Variants in COL2A1 observed in about 807,000 individuals in gnomAD.
COL2A1 encodes collagen alpha-1(II) chain.
In COL2A1, 28 loss-of-function variants were observed where a neutral mutation model predicts 204.5. That is an observed-to-expected ratio of 0.14 (90% confidence interval 0.10 to 0.19). The LOEUF (loss-of-function observed/expected upper bound fraction) is 0.19. COL2A1 is among the 10% of genes least tolerant of loss of function. COL2A1 has a pLI of 1.00. For synonymous variants in COL2A1, 708 were observed against 718.7 expected (o/e 0.99, Z 0.24); for missense variants, 1,388 against 2,027.5 (o/e 0.68, Z 6.06).
chr12:47,997,094 C>G (rs1029892020), intron 7 of COL2A1, among the ~76,000 whole-genome samples: 1 of 152,174 alleles, frequency 6.6e-6, no homozygotes, highest in Non-Finnish European at 1.5e-5. Flanking sequence ...CAGCAAACAT[C>G]AAAATAGCAA....
intron 37 of COL2A1, 81 bp downstream of exon 37, chr12:47,981,262 A>G (rs1939064622): frequency 7.5e-6 from 11 of 1,460,574 alleles, no homozygotes; most frequent in Non-Finnish European, 1.0e-5. Context: ...ACCAGGCAGC[A>G]TGAGGGCCTG....
rs1938623405 is a variant in COL2A1 at position 47,974,948 on chromosome 12, C to G, written c.3887-86G>C. ...GAGACCCAGGCCTGACTGAAAGAGA[C>G]AGAGAGGCCTACAGGGACAAGGGAT... On this transcript the variant is annotated intron_variant, in intron 51 of 53. Coordinates refer to ENST00000380518, the MANE Select transcript of COL2A1 (RefSeq NM_001844.5). 2.2e-6 allele frequency: 3 copies of G among 1,376,720 alleles called. No individual in the cohort carries two copies. The South Asian group carries it at 4.0e-5, about 19-fold the overall frequency. The allele number at this position is 1,376,720 out of a possible 1,614,324, so 85.3% of individuals were successfully genotyped here. A position where few individuals can be genotyped will look rare whatever the true frequency, so the allele number is the denominator to read the frequency against.
chr12:47,974,290 G>C lies in COL2A1; in HGVS notation c.4116C>G (p.Asn1372Lys). 6.2e-7 allele frequency: 1 copy of C among 1,614,204 alleles called. No individual in the cohort carries two copies. The highest frequency in any genetic ancestry group is 8.5e-7 in the Non-Finnish European group (1 of 1,180,042). The change falls in exon 53 of 54, where the codon AAC (asparagine) becomes AAG (lysine). Residue 1372 changes from asparagine to lysine, a missense_variant. This residue lies in a region of COL2A1 where 303 missense variants were observed against 369.2 expected (regional missense o/e 0.82). Transcript: ENST00000380518. Reference sequence around the variant, plus strand: ...GCAGGCGTAGGAAGGTCATCTGGACGTTGGCAGTGTTGGGAGCCAGATTGT... The same window carrying C: ...GCAGGCGTAGGAAGGTCATCTGGACCTTGGCAGTGTTGGGAGCCAGATTGT... ...GDDNLAPNTANVQMTFLRLLS... is the reference protein window; with the variant it reads ...GDDNLAPNTAKVQMTFLRLLS...
At chr12:47,985,210 G>T in intron 26 of COL2A1, 117 bp from the exon 27 acceptor site, 3 of 826,048 alleles carry the variant, frequency 3.6e-6, no homozygotes, top group Non-Finnish European at 6.1e-6. Context: ...CACATGCTCA[G>T]CATCTAGGAT....
intron 28 of COL2A1, among the ~76,000 whole-genome samples, 153 bp downstream of exon 28, chr12:47,984,393 C>T (rs998947252): frequency 7.2e-5 from 11 of 152,214 alleles, no homozygotes; most frequent in African/African-American, 2.4e-4. Context: ...TGTGTAGACA[C>T]CCAAAGGGCC....
In COL2A1 at chr12:47,974,874, A is replaced by G; in HGVS notation, c.3887-12T>C. On this transcript the variant is annotated splice_polypyrimidine_tract_variant and intron_variant, in intron 51 of 53. Coordinates refer to ENST00000380518, the MANE Select transcript of COL2A1 (RefSeq NM_001844.5). The stretch of plus-strand genomic sequence containing the variant: ...AATCCAGTAGTCTCCTGCAGGGGGA[A>G]GAGGCAGCACCCATGGGGGCTCAGA... 1.2e-6 allele frequency: 2 copies of G among 1,611,868 alleles called. No individual in the cohort carries two copies.
Position 47,987,791 on chromosome 12 carries a change from G to C in COL2A1, c.1123-82C>G. On this transcript the variant is annotated intron_variant, in intron 18 of 53. Transcript: ENST00000380518. This position sits in a 1 kb window ranked among gnomAD's most constrained non-coding sequence, Gnocchi z 4.1. ...GTGGGTGGGCAATAGCTCAGGGCCA[G>C]CTGCAAGCACAGCACTAAATTATGC... 2.8e-6 allele frequency: 3 copies of C among 1,062,956 alleles called. No individual in the cohort carries two copies. The highest frequency in any genetic ancestry group is 4.3e-6 in the Non-Finnish European group (3 of 700,898). 65.8% of individuals were successfully genotyped at this position (1,062,956 alleles called of 1,614,324 possible).
chr12:47,989,906 G>C, intron 16 of COL2A1, 101 bp from the exon 17 acceptor site: 2 of 1,138,990 alleles, frequency 1.8e-6, no homozygotes, highest in Non-Finnish European at 2.6e-6. Context: ...ACTGTGCCTG[G>C]GGTGTCCCAG....
Position 47,997,696 on chromosome 12 carries a change from T to C in COL2A1, c.441A>G (p.Gly147=), listed in dbSNP as rs200041244. 21 of 1,613,836 alleles carry C rather than the reference T, an allele frequency of 1.3e-5. No individual in the cohort carries two copies. In the East Asian group the frequency reaches 2.2e-4, roughly 17 times the overall value. The change falls in exon 7 of 54, where the codon GGA becomes GGG. Residue 147 remains glycine (G), a synonymous_variant. Coordinates refer to ENST00000380518, the MANE Select transcript of COL2A1 (RefSeq NM_001844.5). ...CAGGTTCTCCATCTCTGCCACGAGG[T>C]CCAGGGGCACCCTTGGCATAAAGAG... is the stretch of plus-strand genomic sequence containing the variant. ...RGDKGEKGAP[G]PRGRDGEPGT...
chr12:48,002,813 A>C (rs1281742051), intron 1 of COL2A1: 1 of 152,286 alleles, frequency 6.6e-6, no homozygotes, highest in Non-Finnish European at 1.5e-5. Context: ...AGCTTAGCGC[A>C]CTACCGGGTG....
chr12:48,003,309 A>G (rs1463951010), intron 1 of COL2A1, among the ~76,000 whole-genome samples: 2 of 152,028 alleles, frequency 1.3e-5, no homozygotes, highest in Admixed American at 1.3e-4. Flanking sequence ...TCCCTGACAC[A>G]CACATACACA....
In COL2A1 at chr12:47,978,477, A is replaced by T. The variant is rs1289158958; in HGVS notation, c.2896-79T>A. ...CCTCTCAGCACAGCTCTGTCTGTGC[A>T]GCCCCGCTCCCTGGCATCCCCACGG... On this transcript the variant is annotated intron_variant, in intron 42 of 53. Transcript: ENST00000380518. The surrounding 1 kb of genome is among the most constrained non-coding windows in gnomAD (Gnocchi z 5.5). The T allele has an allele frequency of 6.4e-7, 1 of 1,568,814 alleles. No homozygotes were observed. The highest frequency in any genetic ancestry group is 1.4e-5 in the African/African-American group (1 of 73,772).
chr12:47,989,175 A>G, intron 18 of COL2A1, 53 bp downstream of exon 18: 2 of 1,484,634 alleles, frequency 1.3e-6, no homozygotes, highest in Non-Finnish European at 1.9e-6. Flanking sequence ...GTTACGGGGA[A>G]AGGACAGCTT....
At chr12:47,989,648 G>T in intron 17 of COL2A1, 113 bp downstream of exon 17, 1 of 885,596 alleles carries the variant, frequency 1.1e-6, no homozygotes. Flanking sequence ...CTTTCCAGTA[G>T]ACATCAGAGT....
chr12:47,974,989 C>G, intron 51 of COL2A1, 127 bp from the exon 52 acceptor site: 1 of 1,018,818 alleles, frequency 9.8e-7, no homozygotes, highest in Non-Finnish European at 1.4e-6. Flanking sequence ...TCACATGTGG[C>G]CTGAAAGGAG....
Position 47,983,734 on chromosome 12 carries a change from T to C in COL2A1, c.1944A>G (p.Gly648=), listed in dbSNP as rs772878045. Residue 648 remains glycine, a splice_region_variant and synonymous_variant, in exon 30 of 54, where the codon GGA becomes GGG. Transcript: ENST00000380518. The part of the protein sequence containing the change: ...TGAAGPPGPA[G]PAGERGEQGA... Reference sequence around the variant, plus strand: ...CCTGCTCGCCTCGTTCACCAGCAGGTCCCTGCAGTGGAAAAGAAAAGGTGA... The same window carrying C: ...CCTGCTCGCCTCGTTCACCAGCAGGCCCCTGCAGTGGAAAAGAAAAGGTGA... 8 of 1,589,266 alleles carry C rather than the reference T, an allele frequency of 5.0e-6. No individual in the cohort carries two copies. In the Admixed American group the frequency reaches 1.1e-4, roughly 21 times the overall value.
Position 47,993,476 on chromosome 12 carries a change from G to A in COL2A1, c.951C>T (p.Asn317=), listed in dbSNP as rs778611011. The A allele has an allele frequency of 1.6e-5, 26 of 1,613,512 alleles. No homozygotes were observed. Among genetic ancestry groups the A allele is most frequent in the South Asian group, 3.3e-5 (3 of 91,076 alleles). Residue 317 remains asparagine (N), a synonymous_variant, in exon 15 of 54, where the codon AAC becomes AAT. Transcript: ENST00000380518. The part of the protein sequence containing the change: ...VKGESGSPGE[N]GSPGPMGPRG... ...TACTTACCATTGGGCCCGGAGATCC[G>A]TTCTCACCCGGGGAACCACTCTCAC...
chr12:47,981,912 C>G (rs747014876), intron 35 of COL2A1, 83 bp from the exon 36 acceptor site: 9 of 1,422,116 alleles, frequency 6.3e-6, no homozygotes, highest in Non-Finnish European at 7.8e-6. Flanking sequence ...AACCTTGGTG[C>G]GTGCTCCCAC....
At chr12:47,984,885 T>C (rs1392441640) in intron 27 of COL2A1, 110 bp downstream of exon 27, 2 of 944,752 alleles carry the variant, frequency 2.1e-6, no homozygotes, top group East Asian at 5.2e-5. Flanking sequence ...GGAGCCCCAC[T>C]CATCACTGTC....
Sources: gnomAD v4.1 joint callset for allele counts (sites outside exome capture counted in the v4.1 genomes callset) on GRCh38, gnomAD v4.1.1 for gene constraint, gnomAD v4.1.1 regional missense constraint, Gnocchi (gnomAD v3.1) non-coding constraint, MANE v1.5 for transcripts, NCBI Gene and HGNC (gene_info 2026-07-23, HGNC 2026-07-21) for gene names.